TRIM49: variants seen among roughly 807,000 people sequenced by gnomAD.
TRIM49 encodes tripartite motif-containing protein 49.
TRIM49 carries 5 observed loss-of-function variants against 27.4 expected under a neutral mutation model. That is an observed-to-expected ratio of 0.18 (90% confidence interval 0.10 to 0.38). The LOEUF (loss-of-function observed/expected upper bound fraction) is 0.38, where lower values mean the gene tolerates loss of function less well. Among genes scored for constraint, TRIM49 ranks in the 10% least tolerant of loss-of-function variants. The pLI is 1.00. For missense variants in TRIM49, 188 were observed against 487.5 expected (o/e 0.39, Z 5.79); for synonymous variants, 69 against 166.0 (o/e 0.42, Z 4.49).
the TRIM49 span, chr11:89,777,126 A>T: frequency 6.4e-7 from 1 of 1,550,512 alleles, no homozygotes. Flanking sequence ...GCAGAGCACC[A>T]ATGCGCTGCC....
chr11:89,793,613 A>T (rs1949669938), downstream of TRIM49, among the ~76,000 whole-genome samples: 1 of 151,996 alleles, frequency 6.6e-6, no homozygotes, highest in East Asian at 2.0e-4. Flanking sequence ...CAGCACATAA[A>T]CAGAACCAAA....
the TRIM49 span, chr11:89,782,097 G>C: frequency 6.4e-7 from 1 of 1,550,432 alleles, no homozygotes; most frequent in Non-Finnish European, 8.7e-7. Context: ...CTGGGAGTCT[G>C]TCGAGATTCC....
chr11:89,790,574 C>A, the TRIM49 span, among the ~76,000 whole-genome samples: 1 of 151,988 alleles, frequency 6.6e-6, no homozygotes, highest in African/African-American at 2.4e-5. Flanking sequence ...GATCAGGCAG[C>A]AACATTTGCT....
rs372563469 is a variant in TRIM49, at chr11:89,804,060, C to T, written c.410G>A (p.Arg137Gln). The T allele has an allele frequency of 3.7e-5, 59 of 1,604,080 alleles. No individual in the cohort carries two copies. Among genetic ancestry groups the T allele is most frequent in the Admixed American group, 8.4e-5 (5 of 59,664 alleles). ...RPIEWAAEEH[R>Q]EKLLQKMQSL... is the part of the protein sequence containing the mutation. ...TCGATCTTCAGAGCCATCACTTACCCGGTGTTCCTCAGCAGCCCACTCAAT... is the reference window on the plus strand; with the variant it reads ...TCGATCTTCAGAGCCATCACTTACCTGGTGTTCCTCAGCAGCCCACTCAAT... The change falls in exon 3 of 8, where the codon CGG becomes CAG. Residue 137 changes from arginine to glutamine, a missense_variant and splice_region_variant. Physicochemically the swap from Arg to Gln is conservative, Grantham distance 43. Transcript: ENST00000329758.
the TRIM49 span, among the ~76,000 whole-genome samples, chr11:89,772,671 T>C: frequency 4.4e-5 from 6 of 135,334 alleles, 1 homozygote; most frequent in African/African-American, 1.0e-4. Flanking sequence ...GATGGAACCC[T>C]TGTGCTATTG....
chr11:89,806,285 CA>C (rs1271178861), intron 2 of TRIM49, among the ~76,000 whole-genome samples: 1 of 150,906 alleles, frequency 6.6e-6, no homozygotes, highest in Non-Finnish European at 1.5e-5. Context: ...GTGGCTGACT[CA>C]AATGGCCCAT....
chr11:89,805,682 T>C (rs1447608362), intron 2 of TRIM49, among the ~76,000 whole-genome samples: 4 of 150,182 alleles, frequency 2.7e-5, no homozygotes, highest in Non-Finnish European at 5.9e-5. Context: ...TGGACAGATG[T>C]ATGTTCTGAG....
At chr11:89,791,728 G>A in the TRIM49 span, among the ~76,000 whole-genome samples, 2 of 152,162 alleles carry the variant, frequency 1.3e-5, no homozygotes, top group African/African-American at 4.8e-5. Flanking sequence ...TGCCCTAAAA[G>A]AGCTCCTAAA....
chr11:89,805,138 G>A (rs1949778826), intron 2 of TRIM49, among the ~76,000 whole-genome samples: 1 of 151,630 alleles, frequency 6.6e-6, no homozygotes, highest in South Asian at 2.1e-4. Flanking sequence ...CACTAGTAGG[G>A]AAAAGAAAAA....
chr11:89,777,078 C>T, the TRIM49 span: 1 of 1,550,238 alleles, frequency 6.5e-7, no homozygotes. Flanking sequence ...GTGGGCACAG[C>T]TTTTGCAGGC....
At chr11:89,800,575 C>G (rs1414264849) in intron 6 of TRIM49, among the ~76,000 whole-genome samples, 2 of 150,608 alleles carry the variant, frequency 1.3e-5, no homozygotes, top group African/African-American at 2.5e-5. Flanking sequence ...AACCCAGTCT[C>G]TACTAAAAAT....
chr11:89,798,709 T>C lies in TRIM49; in HGVS notation c.860-80A>G. On this transcript the variant is annotated intron_variant, in intron 7 of 7. Transcript: ENST00000329758. ...ATAATTGTTCTATCAAGAAGTTACT[T>C]TACCAGCAAATGTAAAGTCATAAAA... 2.9e-6 allele frequency: 4 copies of C among 1,381,900 alleles called. 1 individual carries two copies. Among genetic ancestry groups the C allele is most frequent in the Middle Eastern group, 2.1e-4 (1 of 4,760 alleles). 85.6% of individuals were successfully genotyped at this position (1,381,900 alleles called of 1,614,324 possible).
At chr11:89,791,759 G>T in the TRIM49 span, among the ~76,000 whole-genome samples, 1 of 152,214 alleles carries the variant, frequency 6.6e-6, no homozygotes, top group Admixed American at 6.5e-5. Context: ...AACATGGAAA[G>T]GAAGAACCAG....
chr11:89,802,484 G>A (rs1303104665), intron 4 of TRIM49, among the ~76,000 whole-genome samples: 1 of 150,748 alleles, frequency 6.6e-6, no homozygotes, highest in African/African-American at 2.5e-5. Flanking sequence ...AGACTTCTTT[G>A]TGGTTCTTCC....
the TRIM49 span, among the ~76,000 whole-genome samples, chr11:89,774,133 T>C: frequency 6.7e-6 from 1 of 149,806 alleles, no homozygotes; most frequent in Non-Finnish European, 1.5e-5. Context: ...CCCAAGTAGC[T>C]AGGATTACAA....
chr11:89,798,352 A>G lies in TRIM49; in HGVS notation c.1137T>C (p.Leu379=). The stretch of plus-strand genomic sequence containing the variant: ...GAATGTCATTCTTAACACACCCAAG[A>G]AGAAAGAGTCCCGCCTTTCCATCTA... The part of the protein sequence containing the change: ...EKIDGKAGLF[L]LGCVKNDIQC... Residue 379 remains leucine (L), a synonymous_variant, in exon 8 of 8, where the codon CTT becomes CTC. Coordinates refer to ENST00000329758, the MANE Select transcript of TRIM49 (RefSeq NM_020358.2). 2 of 1,574,248 alleles carry G rather than the reference A, an allele frequency of 1.3e-6. No homozygotes were observed. The highest frequency in any genetic ancestry group is 1.7e-6 in the Non-Finnish European group (2 of 1,163,798).
the TRIM49 span, among the ~76,000 whole-genome samples, chr11:89,783,938 C>G: frequency 1.4e-5 from 2 of 143,794 alleles, no homozygotes; most frequent in Non-Finnish European, 3.0e-5. Flanking sequence ...TGCCATGTCC[C>G]ATGCAGCAGG....
chr11:89,789,760 T>C, the TRIM49 span: 10 of 152,034 alleles, frequency 6.6e-5, no homozygotes, highest in African/African-American at 2.4e-4. Flanking sequence ...TTAAAAATCA[T>C]TTAAAAATCA....
chr11:89,785,795 A>T, the TRIM49 span: 3 of 145,390 alleles, frequency 2.1e-5, no homozygotes, highest in Non-Finnish European at 3.0e-5. Context: ...TAAAATAAAA[A>T]CAAACTTAAT....
Sources: allele counts gnomAD v4.1 joint callset (sites outside exome capture counted in the v4.1 genomes callset), GRCh38; gene constraint gnomAD v4.1.1; transcripts MANE v1.5; gene names NCBI Gene and HGNC (gene_info 2026-07-23, HGNC 2026-07-21).